MTR: variants seen among roughly 807,000 people sequenced by gnomAD.
The protein encoded by MTR is 5-methyltetrahydrofolate-homocysteine methyltransferase.
A neutral mutation model predicts 154.8 loss-of-function variants in MTR; 84 were observed. The ratio of observed to expected loss-of-function variants is 0.54; its 90% CI spans 0.45 to 0.65. The LOEUF is 0.65. MTR is among the 30% of genes least tolerant of loss of function. The pLI is 0.00. For synonymous variants in MTR, 554 were observed against 553.9 expected (o/e 1.00, Z 0.00); for missense variants, 1,275 against 1,570.2 (o/e 0.81, Z 3.18).
At chr1:236,804,825 C>T (rs890434655) in intron 2 of MTR, among the ~76,000 whole-genome samples, 6 of 151,628 alleles carry the variant, frequency 4.0e-5, no homozygotes, top group African/African-American at 1.2e-4. Context: ...TGTGTGTATA[C>T]GTGAGTGAAT....
chr1:236,804,098 T>TC (rs1313575802), intron 2 of MTR, among the ~76,000 whole-genome samples: 1 of 152,200 alleles, frequency 6.6e-6, no homozygotes, highest in Non-Finnish European at 1.5e-5. Context: ...TGCCAGCAGA[T>TC]CCTGTGTCTG....
At chr1:236,858,444 G>T (rs1664330236) in intron 18 of MTR, among the ~76,000 whole-genome samples, 2 of 152,182 alleles carry the variant, frequency 1.3e-5, no homozygotes, top group South Asian at 4.1e-4. Context: ...ATGAGATTTG[G>T]GTGGGGTCAC....
In MTR at chr1:236,835,634, A is replaced by G. The variant is rs374396973; in HGVS notation, c.1276A>G (p.Ser426Gly). The G allele has an allele frequency of 1.4e-5, 22 of 1,610,798 alleles. No homozygotes were observed. Among genetic ancestry groups the G allele is most frequent in the Non-Finnish European group, 1.9e-5 (22 of 1,179,408 alleles). The change falls in exon 14 of 33, where the codon AGT (serine) becomes GGT (glycine). Residue 426 changes from serine (S) to glycine (G), a missense_variant. Coordinates refer to ENST00000366577, the MANE Select transcript of MTR (RefSeq NM_000254.3). ...GGATGATGGCATGCTAGATGGTCCA[A>G]GTGCAATGACCAGATTTTGCAACTT... is the stretch of plus-strand genomic sequence containing the variant. ...NMDDGMLDGPSAMTRFCNLIA... is the reference protein window; with the variant it reads ...NMDDGMLDGPGAMTRFCNLIA...
At chr1:236,823,196 A>G (rs1421921991) in intron 8 of MTR, among the ~76,000 whole-genome samples, 4 of 152,328 alleles carry the variant, frequency 2.6e-5, no homozygotes, top group Non-Finnish European at 5.9e-5. Context: ...GTATATTACT[A>G]TAGGTTGAGT....
chr1:236,837,341 A>T (rs1662965790), intron 14 of MTR, among the ~76,000 whole-genome samples: 1 of 152,098 alleles, frequency 6.6e-6, no homozygotes, highest in South Asian at 2.1e-4. Flanking sequence ...TCCTCAGTTG[A>T]AATGTTTCCT....
rs1468565712 is a variant in MTR, at chr1:236,880,849, C to T, written c.2676+13C>T. ...GAGTGTGGTGGTGGTAAGTGGGTGA[C>T]CTTACATTTTATTCCAGATGTGTTG... On this transcript the variant is annotated intron_variant, in intron 25 of 32. Coordinates refer to ENST00000366577, the MANE Select transcript of MTR (RefSeq NM_000254.3). The T allele has an allele frequency of 1.2e-6, 2 of 1,609,782 alleles. No individual in the cohort carries two copies. The highest frequency in any genetic ancestry group is 1.1e-5 in the South Asian group (1 of 90,980).
At position 236,815,453 on chromosome 1, in the gene MTR, G is replaced by A. The variant is rs116585076; in HGVS notation, c.610-151G>A. 6.8e-4 allele frequency: 521 copies of A among 766,766 alleles called. 2 individuals are homozygous for A. In the African/African-American group the frequency reaches 8.1e-3, roughly 12 times the overall value. 47.5% of individuals were successfully genotyped at this position (766,766 alleles called of 1,614,324 possible). The stretch of plus-strand genomic sequence containing the variant: ...CACTTGAGAAAGGGGTGCTGGGGTT[G>A]TGCCTTATAAGGAAGACACTTCTTC... On this transcript the variant is annotated intron_variant, in intron 6 of 32. Coordinates refer to ENST00000366577, the MANE Select transcript of MTR (RefSeq NM_000254.3).
At chr1:236,890,087 C>T (rs949951337) in intron 28 of MTR, among the ~76,000 whole-genome samples, 1 of 152,138 alleles carries the variant, frequency 6.6e-6, no homozygotes, top group East Asian at 1.9e-4. Context: ...GGTAGACTCA[C>T]AGAAGCATGG....
intron 29 of MTR, 91 bp from the exon 30 acceptor site, chr1:236,894,266 T>C: frequency 7.9e-7 from 1 of 1,266,502 alleles, no homozygotes; most frequent in Non-Finnish European, 1.1e-6. Context: ...CTTATTCTCA[T>C]TTGACGATAC....
chr1:236,893,812 G>A (rs1255050666), intron 29 of MTR, among the ~76,000 whole-genome samples: 1 of 152,152 alleles, frequency 6.6e-6, no homozygotes. Context: ...AGCCCTGGGT[G>A]TCCTCAGCCG....
chr1:236,816,621 G>A, intron 8 of MTR, 78 bp downstream of exon 8: 1 of 1,181,098 alleles, frequency 8.5e-7, no homozygotes. Context: ...TGACCTGGGA[G>A]GGGATTGCTT....
chr1:236,807,291 A>T (rs1661039028), intron 3 of MTR, among the ~76,000 whole-genome samples: 1 of 152,050 alleles, frequency 6.6e-6, no homozygotes, highest in Non-Finnish European at 1.5e-5. Flanking sequence ...CTCCTGCTTT[A>T]GCCCTCCAAG....
In MTR at chr1:236,894,413, T is replaced by A. The variant is rs1364792112; in HGVS notation, c.3261T>A (p.Ala1087=). 1.2e-6 allele frequency: 2 copies of A among 1,614,200 alleles called. No homozygotes were observed. The highest frequency in any genetic ancestry group is 8.5e-7 in the Non-Finnish European group (1 of 1,180,028). The change falls in exon 30 of 33, where the codon GCT becomes GCA. Residue 1087 remains alanine (A), a synonymous_variant. Coordinates refer to ENST00000366577, the MANE Select transcript of MTR (RefSeq NM_000254.3). ...ACTACTGCCTCTCAGACTTCATCGC[T>A]CCCTTGCATTCTGGCATCCGTGACT... is the stretch of plus-strand genomic sequence containing the variant. ...EPYYCLSDFI[A]PLHSGIRDYL... is the part of the protein sequence containing the mutation.
chr1:236,859,254 C>A (rs1330505086), intron 18 of MTR, among the ~76,000 whole-genome samples: 1 of 152,248 alleles, frequency 6.6e-6, no homozygotes, highest in Non-Finnish European at 1.5e-5. Context: ...AGAGAGATAG[C>A]AAACCTGCTT....
At chr1:236,833,143 G>T (rs1369739041) in intron 13 of MTR, among the ~76,000 whole-genome samples, 1 of 152,140 alleles carries the variant, frequency 6.6e-6, no homozygotes, top group East Asian at 1.9e-4. Context: ...CAGGAGGCTC[G>T]CTTCTGACTC....
In MTR at chr1:236,894,432, C is replaced by G; in HGVS notation, c.3280C>G (p.Arg1094Gly). ...DFIAPLHSGI[R>G]DYLGLFAVAC... is the part of the protein sequence containing the mutation. ...CATCGCTCCCTTGCATTCTGGCATCCGTGACTACCTGGGCCTGTTTGCCGT... is the reference window on the plus strand; with the variant it reads ...CATCGCTCCCTTGCATTCTGGCATCGGTGACTACCTGGGCCTGTTTGCCGT... The change falls in exon 30 of 33, where the codon CGT becomes GGT. Residue 1094 changes from arginine to glycine, a missense_variant. Coordinates refer to ENST00000366577, the MANE Select transcript of MTR (RefSeq NM_000254.3). The G allele has an allele frequency of 6.2e-7, 1 of 1,614,208 alleles. No individual in the cohort carries two copies. Among genetic ancestry groups the G allele is most frequent in the Non-Finnish European group, 8.5e-7 (1 of 1,180,042 alleles).
Position 236,897,707 on chromosome 1 carries a change from C to A in MTR, c.*63C>A. Reference sequence around the variant, plus strand: ...CCTCAAGGAAATACAACCTAGGGTGCCTTAAAAATAACAACAACAAAAAAC... The same window carrying A: ...CCTCAAGGAAATACAACCTAGGGTGACTTAAAAATAACAACAACAAAAAAC... On this transcript the variant is annotated 3_prime_UTR_variant, in exon 33 of 33. Coordinates refer to ENST00000366577, the MANE Select transcript of MTR (RefSeq NM_000254.3). 7.1e-7 allele frequency: 1 copy of A among 1,408,726 alleles called. No individual in the cohort carries two copies. Among genetic ancestry groups the A allele is most frequent in the Non-Finnish European group, 1.0e-6 (1 of 1,003,994 alleles). 87.3% of individuals were successfully genotyped at this position (1,408,726 alleles called of 1,614,324 possible). A position where few individuals can be genotyped will look rare whatever the true frequency, so the allele number is the denominator to read the frequency against.
rs764656039 is a variant in MTR, at chr1:236,825,347, A to G, written c.875A>G (p.Asn292Ser). 1 of 1,613,592 alleles carries G rather than the reference A, an allele frequency of 6.2e-7. No individual in the cohort carries two copies. The highest frequency in any genetic ancestry group is 8.5e-7 in the Non-Finnish European group (1 of 1,179,560). ...AATTATCCTTTCTCAGGTCTTCCCAACACCTTTGGTGACTATGATGAAACG... is the reference window on the plus strand; with the variant it reads ...AATTATCCTTTCTCAGGTCTTCCCAGCACCTTTGGTGACTATGATGAAACG... Reference protein sequence around the residue: ...VLCYPNAGLPNTFGDYDETPS... With the variant: ...VLCYPNAGLPSTFGDYDETPS... The change falls in exon 10 of 33, where the codon AAC becomes AGC. Residue 292 changes from asparagine to serine, a missense_variant. Transcript: ENST00000366577.
Position 236,898,509 on chromosome 1 carries a change from C to T in MTR, c.*865C>T, listed in dbSNP as rs1666785574. 1 of 151,936 alleles carries T rather than the reference C, an allele frequency of 6.6e-6. No individual in the cohort carries two copies. Among genetic ancestry groups the T allele is most frequent in the East Asian group, 1.9e-4 (1 of 5,160 alleles). The allele number at this position is 151,936 out of a possible 1,614,324, so 9.4% of individuals were successfully genotyped here. On this transcript the variant is annotated 3_prime_UTR_variant, in exon 33 of 33. Transcript: ENST00000366577. Reference sequence around the variant, plus strand: ...CCGCCTCCTGGGTTCATGCCATTCTCCTGCCTCAGCCTCCAGAGTAGCTGG... The same window carrying T: ...CCGCCTCCTGGGTTCATGCCATTCTTCTGCCTCAGCCTCCAGAGTAGCTGG...
Sources: allele counts gnomAD v4.1 joint callset (sites outside exome capture counted in the v4.1 genomes callset), GRCh38; gene constraint gnomAD v4.1.1; transcripts MANE v1.5; gene names NCBI Gene and HGNC (gene_info 2026-07-23, HGNC 2026-07-21).